KIAA1549: variants seen among roughly 807,000 people sequenced by gnomAD.
KIAA1549 encodes the protein KIAA1549, also known as UPF0606 protein KIAA1549.
Under a neutral mutation model 156.4 loss-of-function variants are expected in KIAA1549, and 70 were observed. That is an observed-to-expected ratio of 0.45 (90% CI 0.37 to 0.55). The LOEUF (loss-of-function observed/expected upper bound fraction) is 0.55. KIAA1549 is among the 20% of genes least tolerant of loss of function. The pLI is 0.00. For missense variants in KIAA1549, 2,428 were observed against 2,540.9 expected (o/e 0.96, Z 0.96); for synonymous variants, 1,103 against 1,066.4 (o/e 1.03, Z -0.67).
chr7:138,904,335 C>T (rs538833619), intron 7 of KIAA1549, among the ~76,000 whole-genome samples: 3 of 152,266 alleles, frequency 2.0e-5, no homozygotes, highest in East Asian at 3.9e-4. Flanking sequence ...TACTTAATTG[C>T]TATAGAAATT....
chr7:138,881,732 T>C (rs1811251322), intron 10 of KIAA1549, 148 bp from the exon 11 acceptor site: 1 of 681,318 alleles, frequency 1.5e-6, no homozygotes, highest in Non-Finnish European at 2.4e-6. Context: ...TGCCAGGTTC[T>C]GTTTATACCC....
chr7:138,981,056 C>G lies in KIAA1549; in HGVS notation c.187+27G>C. 1 of 1,222,742 alleles carries G rather than the reference C, an allele frequency of 8.2e-7. No homozygotes were observed. Among genetic ancestry groups the G allele is most frequent in the South Asian group, 4.1e-5 (1 of 24,264 alleles). The allele number at this position is 1,222,742 out of a possible 1,614,324, so 75.7% of individuals were successfully genotyped here. A position where few individuals can be genotyped will look rare whatever the true frequency, so the allele number is the denominator to read the frequency against. On this transcript the variant is annotated intron_variant, in intron 1 of 19. Coordinates refer to ENST00000422774, the MANE Select transcript of KIAA1549 (RefSeq NM_001164665.2). The surrounding 1 kb of genome is among the most constrained non-coding windows in gnomAD (Gnocchi z 4.5). ...ATAAAGGCAGGCGGGGTCGCGGCCG[C>G]GTTCCGAGGGTCTCGGCGGAGCTTA...
rs771107330 is a variant in KIAA1549 at position 138,917,333 on chromosome 7, C to A, written c.2293G>T (p.Ala765Ser). Residue 765 changes from alanine to serine, a missense_variant, in exon 2 of 20, where the codon GCA (alanine) becomes TCA (serine). By Grantham distance (99) the Ala-to-Ser change is moderately conservative. Transcript: ENST00000422774. ...CCGGGGGGCACCAGTGCAGTGACTG[C>A]GGATTCATGGGAAATGAGTGAAGAC... ...LESSLISHES[A>S]VTALVPPGSE... 1 of 1,613,566 alleles carries A rather than the reference C, an allele frequency of 6.2e-7. No homozygotes were observed. The highest frequency in any genetic ancestry group is 1.3e-5 in the African/African-American group (1 of 74,872).
In KIAA1549 at chr7:138,916,938, G is replaced by T; in HGVS notation, c.2688C>A (p.Leu896=). The T allele has an allele frequency of 6.2e-7, 1 of 1,609,504 alleles. No homozygotes were observed. The highest frequency in any genetic ancestry group is 8.5e-7 in the Non-Finnish European group (1 of 1,177,492). Residue 896 remains leucine, a synonymous_variant, in exon 2 of 20, where the codon CTC becomes CTA. Coordinates refer to ENST00000422774, the MANE Select transcript of KIAA1549 (RefSeq NM_001164665.2). ...TSTGAATGGP[L]DSTLMGDAAS... ...CGGCGTCACCCATCAGGGTGGAGTCGAGGGGACCACCAGTGGCAGCACCGG... is the reference window on the plus strand; with the variant it reads ...CGGCGTCACCCATCAGGGTGGAGTCTAGGGGACCACCAGTGGCAGCACCGG...
chr7:138,928,171 T>A (rs549197870), intron 1 of KIAA1549, among the ~76,000 whole-genome samples: 2 of 152,170 alleles, frequency 1.3e-5, no homozygotes, highest in Non-Finnish European at 2.9e-5. Flanking sequence ...TCCGCCTGCC[T>A]CGGCCTCCCA....
intron 17 of KIAA1549, 108 bp from the exon 18 acceptor site, chr7:138,844,582 G>C (rs1212803105): frequency 1.9e-5 from 20 of 1,037,664 alleles, no homozygotes; most frequent in Non-Finnish European, 2.5e-5. Flanking sequence ...TTGTCTACCT[G>C]CTTAGCCATC....
intron 17 of KIAA1549, among the ~76,000 whole-genome samples, chr7:138,849,868 T>C (rs190718941): frequency 1.4e-3 from 219 of 152,288 alleles, no homozygotes; most frequent in African/African-American, 5.0e-3. Flanking sequence ...TCTGGCTCCA[T>C]CCATGTTCCT....
At chr7:138,855,982 C>T (rs1352136739) in intron 16 of KIAA1549, among the ~76,000 whole-genome samples, 1 of 152,048 alleles carries the variant, frequency 6.6e-6, no homozygotes, top group African/African-American at 2.4e-5. Context: ...CCTCCTCCTT[C>T]CCATTAAATT....
chr7:138,895,967 A>ACCCAC (rs1811672878), intron 9 of KIAA1549, among the ~76,000 whole-genome samples: 1 of 147,230 alleles, frequency 6.8e-6, no homozygotes, highest in African/African-American at 2.5e-5. Context: ...CTGCTGCCAC[A>ACCCAC]CCCACCCCAC....
intron 1 of KIAA1549, among the ~76,000 whole-genome samples, chr7:138,954,013 A>G (rs559497691): frequency 2.6e-5 from 4 of 152,216 alleles, no homozygotes; most frequent in African/African-American, 9.6e-5. Context: ...TATTATGTTT[A>G]GTAATCAACA....
chr7:138,868,041 G>T lies in KIAA1549; in HGVS notation c.4863C>A (p.Thr1621=). 3 of 1,613,974 alleles carry T rather than the reference G, an allele frequency of 1.9e-6. No homozygotes were observed. Among genetic ancestry groups the T allele is most frequent in the Non-Finnish European group, 2.5e-6 (3 of 1,179,882 alleles). ...TCCTGTAGGTGCCATCGCTGTCTGT[G>T]GTGATGAGCCGGTCCTTCTCAGCGT... ...PADAEKDRLI[T]TDSDGTYRRP... Residue 1621 remains threonine, a synonymous_variant, in exon 15 of 20, where the codon ACC becomes ACA. Transcript: ENST00000422774.
chr7:138,852,196 T>A, intron 17 of KIAA1549, 27 bp downstream of exon 17: 1 of 1,562,292 alleles, frequency 6.4e-7, no homozygotes, highest in Non-Finnish European at 8.8e-7. Flanking sequence ...GAGAAAGTGA[T>A]AATACATTTT....
At chr7:138,905,936 AC>A (rs1563071701) in intron 6 of KIAA1549, among the ~76,000 whole-genome samples, 1 of 152,100 alleles carries the variant, frequency 6.6e-6, no homozygotes, top group East Asian at 1.9e-4. Context: ...CAGTTTCACA[AC>A]CCCCAAAACA....
intron 1 of KIAA1549, among the ~76,000 whole-genome samples, chr7:138,970,785 T>C (rs576946194): frequency 1.2e-4 from 19 of 152,284 alleles, no homozygotes; most frequent in Non-Finnish European, 2.5e-4. Context: ...GCTGGCTCCA[T>C]AAGATCATCT....
rs116356402 is a variant in KIAA1549, at chr7:138,957,424, C to A, written c.187+23659G>T. On this transcript the variant is annotated intron_variant, in intron 1 of 19. Transcript: ENST00000422774. ...AATCTTGGCCCACTATCTTCTTATT[C>A]TTCTTCCCCTCCCCCTCCCCCTCCC... is the stretch of plus-strand genomic sequence containing the variant. Among the ~76,000 whole-genome samples, 534 of 150,858 alleles carry A rather than the reference C, an allele frequency of 3.5e-3. 4 individuals carry two copies. The highest frequency in any genetic ancestry group is 0.013 in the African/African-American group (522 of 40,700).
intron 12 of KIAA1549, 113 bp downstream of exon 12, chr7:138,879,425 C>T: frequency 1.6e-6 from 1 of 636,230 alleles, no homozygotes; most frequent in Admixed American, 3.1e-5. Context: ...GATGAATTTT[C>T]CATTTCCCAG....
chr7:138,954,750 C>T (rs1813612741), intron 1 of KIAA1549, among the ~76,000 whole-genome samples: 1 of 152,200 alleles, frequency 6.6e-6, no homozygotes, highest in East Asian at 1.9e-4. Context: ...GTGACTGAAG[C>T]TTCCAGAGAA....
Position 138,833,666 on chromosome 7 carries a change from C to CAGATACAT in KIAA1549, c.*4232_*4239dup, listed in dbSNP as rs1197164823. 4.3e-6 allele frequency: 1 copy of CAGATACAT among 232,146 alleles called. No individual in the cohort carries two copies. Among genetic ancestry groups the CAGATACAT allele is most frequent in the Non-Finnish European group, 8.5e-6 (1 of 117,702 alleles). 14.4% of individuals were successfully genotyped at this position (232,146 alleles called of 1,614,324 possible). A position where few individuals can be genotyped will look rare whatever the true frequency, so the allele number is the denominator to read the frequency against. On this transcript the variant is annotated 3_prime_UTR_variant, in exon 20 of 20. Coordinates refer to ENST00000422774, the MANE Select transcript of KIAA1549 (RefSeq NM_001164665.2). ...CTGAATATATATATAGATAGATAGA[C>CAGATACAT]AGATACATAGACAGACAGACAGATA...
chr7:138,950,123 T>C (rs1441474083), intron 1 of KIAA1549, among the ~76,000 whole-genome samples: 1 of 152,172 alleles, frequency 6.6e-6, no homozygotes, highest in Non-Finnish European at 1.5e-5. Flanking sequence ...GAAGGGGACA[T>C]GAGAGTTTCT....
Sources: gnomAD v4.1 joint callset for allele counts (sites outside exome capture counted in the v4.1 genomes callset) on GRCh38, gnomAD v4.1.1 for gene constraint, Gnocchi (gnomAD v3.1) non-coding constraint, MANE v1.5 for transcripts, NCBI Gene and HGNC (gene_info 2026-07-23, HGNC 2026-07-21) for gene names.